Variants in ADAM15 observed in about 807,000 individuals in gnomAD.
ADAM15 encodes the protein ADAM metallopeptidase domain 15.
A neutral mutation model predicts 113.8 loss-of-function variants in ADAM15; 77 were observed. The ratio of observed to expected loss-of-function variants is 0.68; its 90% CI spans 0.56 to 0.82. The LOEUF (loss-of-function observed/expected upper bound fraction) is 0.82, where lower values mean the gene tolerates loss of function less well. ADAM15 is among the 40% of genes least tolerant of loss of function. ADAM15 has a pLI of 0.00. For synonymous variants in ADAM15, 388 were observed against 454.1 expected (o/e 0.85, Z 1.85); for missense variants, 963 against 1,120.1 (o/e 0.86, Z 2.00).
Position 155,060,786 on chromosome 1 carries a change from A to T in ADAM15, c.2231A>T (p.Glu744Val), listed in dbSNP as rs1662467101. ...AGGGCAGCCCAATCTGGTCCCTCTG[A>T]ACGGCCAGGACCTCCGCAGAGGGCC... is the stretch of plus-strand genomic sequence containing the variant. ...QYRAAQSGPS[E>V]RPGPPQRALL... Residue 744 changes from glutamate to valine, a missense_variant, in exon 19 of 23, where the codon GAA becomes GTA. Coordinates refer to ENST00000356955, the MANE Select transcript of ADAM15 (RefSeq NM_207197.3). 6.2e-7 allele frequency: 1 copy of T among 1,613,444 alleles called. No individual in the cohort carries two copies. Among genetic ancestry groups the T allele is most frequent in the Admixed American group, 1.7e-5 (1 of 60,002 alleles).
At position 155,054,350 on chromosome 1, in the gene ADAM15, C is replaced by A. The variant is rs770638581; in HGVS notation, c.456C>A (p.Thr152=). 6 of 1,610,616 alleles carry A rather than the reference C, an allele frequency of 3.7e-6. No homozygotes were observed. The South Asian group carries it at 5.5e-5, about 15-fold the overall frequency. The change falls in exon 6 of 23, where the codon ACC becomes ACA. Residue 152 remains threonine, a synonymous_variant. Coordinates refer to ENST00000356955, the MANE Select transcript of ADAM15 (RefSeq NM_207197.3). Reference sequence around the variant, plus strand: ...TCCTGACCCCAGAGAGAAGCTATACCCTGGAGCAGGGGCCTGGGGACCTTC... The same window carrying A: ...TCCTGACCCCAGAGAGAAGCTATACACTGGAGCAGGGGCCTGGGGACCTTC... The part of the protein sequence containing the change: ...LVVLTPERSY[T]LEQGPGDLQG...
Position 155,053,460 on chromosome 1 carries a change from G to A in ADAM15, c.230G>A (p.Gly77Asp), listed in dbSNP as rs760170263. 1.9e-6 allele frequency: 3 copies of A among 1,614,172 alleles called. No homozygotes were observed. Among genetic ancestry groups the A allele is most frequent in the Non-Finnish European group, 2.5e-6 (3 of 1,180,040 alleles). Reference protein sequence around the residue: ...EPLRIKLELDGDSHILELLQN... With the variant: ...EPLRIKLELDDDSHILELLQN... The stretch of plus-strand genomic sequence containing the variant: ...CTGAGGATCAAGTTGGAGCTGGACG[G>A]TGACAGTCATATCCTGGAGCTGCTA... The change falls in exon 3 of 23, where the codon GGT (glycine) becomes GAT (aspartate). Residue 77 changes from glycine to aspartate, a missense_variant. Coordinates refer to ENST00000356955, the MANE Select transcript of ADAM15 (RefSeq NM_207197.3).
rs748617099 is a variant in ADAM15, at chr1:155,059,987, T to G, written c.2068+13T>G. ...ACTCAGCTCAAAGGTAGCATGGGGG[T>G]GGGGGACAGGGGCAGCTGGGAGGGC... On this transcript the variant is annotated intron_variant, in intron 17 of 22. Transcript: ENST00000356955. The G allele has an allele frequency of 1.9e-6, 3 of 1,613,742 alleles. No homozygotes were observed. Among genetic ancestry groups the G allele is most frequent in the Non-Finnish European group, 2.5e-6 (3 of 1,179,828 alleles).
In ADAM15 at chr1:155,062,353, CT is replaced by C; in HGVS notation, c.2534del (p.Leu845GlnfsTer48). On this transcript the variant is annotated frameshift_variant, in exon 22 of 23. Transcript: ENST00000356955. LOFTEE classifies it high-confidence loss of function. This position sits in a 1 kb window ranked among gnomAD's most constrained non-coding sequence, Gnocchi z 7.0. ...CGGCCCAGGGGCTGGAATCCCGCCCCTAGTGGTACCCTCCAGGTAGGAGGAG... is the reference window on the plus strand; with the variant it reads ...CGGCCCAGGGGCTGGAATCCCGCCCCAGTGGTACCCTCCAGGTAGGAGGAG... The part of the protein sequence containing the change: ...LPGPGAGIPP[L>X]VVPSRPAPPP... 6 of 1,584,850 alleles carry C rather than the reference CT, an allele frequency of 3.8e-6. No homozygotes were observed. The highest frequency in any genetic ancestry group is 5.1e-6 in the Non-Finnish European group (6 of 1,165,130).
chr1:155,061,498 G>A lies in ADAM15; in HGVS notation c.2352+9G>A. ...TGTCCAAGAGACTCCAGGTAAATCT[G>A]GGCCAGGGCCCGCCCTGAGCCAAGG... On this transcript the variant is annotated intron_variant, in intron 20 of 22. Transcript: ENST00000356955. The A allele has an allele frequency of 6.2e-7, 1 of 1,612,936 alleles. No individual in the cohort carries two copies. Among genetic ancestry groups the A allele is most frequent in the Non-Finnish European group, 8.5e-7 (1 of 1,179,756 alleles).
At position 155,062,506 on chromosome 1, in the gene ADAM15, C is replaced by T; in HGVS notation, c.*4C>T. 6.2e-7 allele frequency: 1 copy of T among 1,613,024 alleles called. No homozygotes were observed. The highest frequency in any genetic ancestry group is 1.1e-5 in the South Asian group (1 of 90,950). On this transcript the variant is annotated 3_prime_UTR_variant, in exon 23 of 23. Coordinates refer to ENST00000356955, the MANE Select transcript of ADAM15 (RefSeq NM_207197.3). This position sits in a 1 kb window ranked among gnomAD's most constrained non-coding sequence, Gnocchi z 7.0. ...AGTGTCCTCGCTCTACCTCTGACCT[C>T]TCCGGAGGTTCCGCTGCCTCCAAGC...
intron 6 of ADAM15, 123 bp from the exon 7 acceptor site, chr1:155,055,667 A>G: frequency 5.6e-6 from 6 of 1,063,412 alleles, no homozygotes; most frequent in Non-Finnish European, 5.8e-6. Flanking sequence ...GCTCATCTGT[A>G]AAATGGGCTC....
At position 155,059,925 on chromosome 1, in the gene ADAM15, C is replaced by A. The variant is rs1426948487; in HGVS notation, c.2019C>A (p.Cys673Ter). 6.2e-7 allele frequency: 1 copy of A among 1,614,006 alleles called. No individual in the cohort carries two copies. The highest frequency in any genetic ancestry group is 1.7e-5 in the Admixed American group (1 of 60,002). ...AGGTCTGTGACAGCAACAGGCACTG[C>A]TACTGTGAGGAGGGCTGGGCACCCC... ...GHGVCDSNRH[C>*]YCEEGWAPPD... Residue 673 changes from cysteine (C) to a stop codon, truncating the protein, a stop_gained, in exon 17 of 23, where the codon TGC becomes TGA. Coordinates refer to ENST00000356955, the MANE Select transcript of ADAM15 (RefSeq NM_207197.3). LOFTEE classifies it high-confidence loss of function.
At chr1:155,055,651 T>C (rs1383461005) in intron 6 of ADAM15, 139 bp from the exon 7 acceptor site, 1 of 897,240 alleles carries the variant, frequency 1.1e-6, no homozygotes, top group African/African-American at 1.6e-5. Context: ...CCTCTGGCCT[T>C]CAGTGGCTCA....
intron 16 of ADAM15, 116 bp from the exon 17 acceptor site, chr1:155,059,786 C>G (rs1009233124): frequency 5.3e-6 from 6 of 1,138,378 alleles, no homozygotes; most frequent in Non-Finnish European, 6.5e-6. Flanking sequence ...CGGGCTGTCT[C>G]TACACACATA....
In ADAM15 at chr1:155,051,317, TG is replaced by T; in HGVS notation, c.-68del. ...CGCTGCTGGGTTCTCCGAGGCGACC[TG>T]GCCGCCGGCCGCTCCTCCGCGCGCT... On this transcript the variant is annotated 5_prime_UTR_variant, in exon 1 of 23. Coordinates refer to ENST00000356955, the MANE Select transcript of ADAM15 (RefSeq NM_207197.3). The T allele has an allele frequency of 8.1e-7, 1 of 1,237,104 alleles. No homozygotes were observed. The highest frequency in any genetic ancestry group is 1.0e-6 in the Non-Finnish European group (1 of 963,428). 76.6% of individuals were successfully genotyped at this position (1,237,104 alleles called of 1,614,324 possible). A position where few individuals can be genotyped will look rare whatever the true frequency, so the allele number is the denominator to read the frequency against.
At position 155,052,888 on chromosome 1, in the gene ADAM15, A is replaced by C. The variant is rs1420220080; in HGVS notation, c.186+111A>C. ...GGAGCTGGTGGGTAGAGCTCACTGT[A>C]GTGGGTCTATCCCAGGCCCAGCTGC... On this transcript the variant is annotated intron_variant, in intron 2 of 22. Transcript: ENST00000356955. The C allele has an allele frequency of 1.2e-5, 17 of 1,413,138 alleles. No homozygotes were observed. The East Asian group carries it at 4.0e-4, about 33-fold the overall frequency. The allele number at this position is 1,413,138 out of a possible 1,614,324, so 87.5% of individuals were successfully genotyped here.
chr1:155,058,710 G>A lies in ADAM15; in HGVS notation c.1918G>A (p.Val640Met). The A allele has an allele frequency of 1.2e-6, 2 of 1,613,484 alleles. No homozygotes were observed. Among genetic ancestry groups the A allele is most frequent in the Non-Finnish European group, 8.5e-7 (1 of 1,179,730 alleles). ...LPGTACGPGLVCIDHRCQRVD... is the reference protein window; with the variant it reads ...LPGTACGPGLMCIDHRCQRVD... ...CCAGGCTCTTCTCTCCCTGGGTCAG[G>A]TGTGTATAGACCATCGATGCCAGCG... Residue 640 changes from valine to methionine, a missense_variant and splice_region_variant, in exon 16 of 23, where the codon GTG becomes ATG. Val to Met is a conservative substitution (Grantham distance 21). Coordinates refer to ENST00000356955, the MANE Select transcript of ADAM15 (RefSeq NM_207197.3). This position sits in a 1 kb window ranked among gnomAD's most constrained non-coding sequence, Gnocchi z 4.3.
rs1661796242 is a variant in ADAM15, at chr1:155,056,606, G to C, written c.999+136G>C. 1 of 848,920 alleles carries C rather than the reference G, an allele frequency of 1.2e-6. No individual in the cohort carries two copies. 52.6% of individuals were successfully genotyped at this position (848,920 alleles called of 1,614,324 possible). On this transcript the variant is annotated intron_variant, in intron 10 of 22. Transcript: ENST00000356955. The surrounding 1 kb of genome is among the most constrained non-coding windows in gnomAD (Gnocchi z 4.0). ...TATAGAGGGTGGAGGTACGTGATGTGGCCTTTGCTATCAGGGAGCCCTCGC... is the reference window on the plus strand; with the variant it reads ...TATAGAGGGTGGAGGTACGTGATGTCGCCTTTGCTATCAGGGAGCCCTCGC...
At chr1:155,059,311 C>T (rs184606252) in intron 16 of ADAM15, among the ~76,000 whole-genome samples, 1 of 152,118 alleles carries the variant, frequency 6.6e-6, no homozygotes, top group Non-Finnish European at 1.5e-5. Flanking sequence ...AAGTGATCCT[C>T]CCGCCTCAGC....
chr1:155,056,937 C>T lies in ADAM15; in HGVS notation c.1000-16C>T, dbSNP rs776780564. On this transcript the variant is annotated splice_polypyrimidine_tract_variant and intron_variant, in intron 10 of 22. Coordinates refer to ENST00000356955, the MANE Select transcript of ADAM15 (RefSeq NM_207197.3). The surrounding 1 kb of genome is among the most constrained non-coding windows in gnomAD (Gnocchi z 4.0). ...CAGGCTGGGACTGGACCTACAGTAC[C>T]CCTCCCCAATGACAGGACCACTCCA... The T allele has an allele frequency of 1.3e-6, 2 of 1,541,196 alleles. No homozygotes were observed. The highest frequency in any genetic ancestry group is 1.7e-6 in the Non-Finnish European group (2 of 1,143,428).
rs760856681 is a variant in ADAM15, at chr1:155,051,490, C to T, written c.79+25C>T. 6.6e-6 allele frequency: 10 copies of T among 1,517,914 alleles called. No individual in the cohort carries two copies. In the South Asian group the frequency reaches 1.2e-4, roughly 19 times the overall value. The allele number at this position is 1,517,914 out of a possible 1,614,324, so 94.0% of individuals were successfully genotyped here. Reference sequence around the variant, plus strand: ...GGTGAGTCCTCCGCCTGGAGTGGGTCGGGGGGCGGACTGGGAGGGAGGTGC... The same window carrying T: ...GGTGAGTCCTCCGCCTGGAGTGGGTTGGGGGGCGGACTGGGAGGGAGGTGC... On this transcript the variant is annotated intron_variant, in intron 1 of 22. Coordinates refer to ENST00000356955, the MANE Select transcript of ADAM15 (RefSeq NM_207197.3).
At chr1:155,053,001 C>T (rs1444271363) in intron 2 of ADAM15, among the ~76,000 whole-genome samples, 2 of 152,130 alleles carry the variant, frequency 1.3e-5, no homozygotes, top group African/African-American at 4.8e-5. Flanking sequence ...CCCCACCCAA[C>T]CCATCCATCT....
chr1:155,053,525 C>T (rs1437742421), intron 3 of ADAM15, 32 bp downstream of exon 3: 2 of 1,606,596 alleles, frequency 1.2e-6, no homozygotes, highest in African/African-American at 2.7e-5. Flanking sequence ...ACAGTGACCA[C>T]ATGGCCAACA....
Sources: gnomAD v4.1 joint callset for allele counts (sites outside exome capture counted in the v4.1 genomes callset) on GRCh38, gnomAD v4.1.1 for gene constraint, Gnocchi (gnomAD v3.1) non-coding constraint, MANE v1.5 for transcripts, NCBI Gene and HGNC (gene_info 2026-07-23, HGNC 2026-07-21) for gene names.